DCN: variants seen among roughly 807,000 people sequenced by gnomAD.
DCN encodes decorin.
A neutral mutation model predicts 36.5 loss-of-function variants in DCN; 17 were observed. The observed-to-expected ratio is 0.47, with a 90% CI of 0.32 to 0.70. The LOEUF (loss-of-function observed/expected upper bound fraction) is 0.70, where lower values mean the gene tolerates loss of function less well. Ranked by LOEUF, DCN falls within the 30% of genes least tolerant of loss-of-function variation. The probability of loss-of-function intolerance (pLI) is 0.04; values close to 1 mark genes in which losing one functional copy is unlikely to be tolerated. For missense variants in DCN, 389 were observed against 430.1 expected (o/e 0.90, Z 0.84); for synonymous variants, 163 against 161.4 (o/e 1.01, Z -0.07).
chr12:91,156,981 T>C, intron 5 of DCN, 94 bp downstream of exon 5: 2 of 851,188 alleles, frequency 2.3e-6, no homozygotes, highest in Non-Finnish European at 3.9e-6. Flanking sequence ...GTTGGCCTCT[T>C]AGGTGACAAT....
chr12:91,151,504 T>A, intron 7 of DCN, 150 bp downstream of exon 7: 2 of 819,412 alleles, frequency 2.4e-6, no homozygotes. Context: ...TGATTTAATT[T>A]TTTTTATGGT....
chr12:91,160,926 C>G (rs1882117462), intron 3 of DCN, among the ~76,000 whole-genome samples: 1 of 152,272 alleles, frequency 6.6e-6, no homozygotes, highest in East Asian at 1.9e-4. Flanking sequence ...ACACACCACT[C>G]ATAATGAAGC....
At chr12:91,181,133 C>G (rs546530194) in intron 1 of DCN, among the ~76,000 whole-genome samples, 1 of 147,010 alleles carries the variant, frequency 6.8e-6, no homozygotes, top group Non-Finnish European at 1.5e-5. Flanking sequence ...TTCATTTGCT[C>G]GTGTGTGTGT....
intron 5 of DCN, among the ~76,000 whole-genome samples, chr12:91,155,897 T>C (rs1408185565): frequency 6.6e-6 from 1 of 152,082 alleles, no homozygotes; most frequent in East Asian, 1.9e-4. Flanking sequence ...AAGCATCCTA[T>C]GGAATATGTA....
chr12:91,170,283 A>G (rs3138199), intron 2 of DCN, among the ~76,000 whole-genome samples: 2,385 of 152,172 alleles, frequency 0.016, 33 homozygotes, highest in Middle Eastern at 0.027. Context: ...CTTCTGAATA[A>G]TCTTTCTGAT....
chr12:91,151,748 G>C lies in DCN; in HGVS notation c.791C>G (p.Ser264Cys). The C allele has an allele frequency of 6.2e-7, 1 of 1,614,050 alleles. No homozygotes were observed. Among genetic ancestry groups the C allele is most frequent in the South Asian group, 1.1e-5 (1 of 91,080 alleles). The change falls in exon 7 of 8, where the codon TCT becomes TGT. Residue 264 changes from serine (S) to cysteine (C), a missense_variant. Ser to Cys is a moderately radical substitution (Grantham distance 112). Transcript: ENST00000052754. Reference protein sequence around the residue: ...FNSISAVDNGSLANTPHLREL... With the variant: ...FNSISAVDNGCLANTPHLREL... ...CCTCAGATGAGGCGTGTTGGCCAGA[G>C]AGCCATTGTCAACAGCAGAGATGCT...
intron 1 of DCN, chr12:91,179,877 A>G (rs568235117): frequency 6.6e-6 from 1 of 152,302 alleles, no homozygotes; most frequent in African/African-American, 2.4e-5. Context: ...TATGTGATGT[A>G]TATATGATCT....
At chr12:91,177,940 C>A (rs1883395291) in intron 2 of DCN, among the ~76,000 whole-genome samples, 1 of 152,158 alleles carries the variant, frequency 6.6e-6, no homozygotes, top group African/African-American at 2.4e-5. Context: ...AGTAGAGAGA[C>A]TGACCTGATT....
At chr12:91,172,521 C>T (rs994564299) in intron 2 of DCN, 2 of 294,842 alleles carry the variant, frequency 6.8e-6, no homozygotes, top group Non-Finnish European at 6.4e-6. Flanking sequence ...TCAGTTAGAC[C>T]AGGCTTCATA....
chr12:91,169,014 AAAAC>A (rs1266270260), intron 2 of DCN, among the ~76,000 whole-genome samples: 1 of 130,266 alleles, frequency 7.7e-6, no homozygotes, highest in Non-Finnish European at 1.8e-5. Flanking sequence ...TGTATTTTCA[AAAAC>A]AAACAATTAA....
intron 5 of DCN, among the ~76,000 whole-genome samples, chr12:91,153,973 A>G (rs560728274): frequency 6.6e-6 from 1 of 152,258 alleles, no homozygotes; most frequent in Admixed American, 6.5e-5. Context: ...AGGCTGTATT[A>G]TATTTTATAC....
chr12:91,159,864 C>A (rs1020574841), intron 3 of DCN, among the ~76,000 whole-genome samples: 3 of 151,946 alleles, frequency 2.0e-5, no homozygotes, highest in African/African-American at 4.8e-5. Flanking sequence ...TCTAATTTTG[C>A]ATTTTCAATT....
intron 7 of DCN, among the ~76,000 whole-genome samples, chr12:91,148,637 A>G (rs1443056660): frequency 7.0e-6 from 1 of 143,624 alleles, no homozygotes; most frequent in Non-Finnish European, 1.5e-5. Flanking sequence ...AATTTCTTGA[A>G]CCCGAGAGGC....
chr12:91,175,496 T>C (rs750012239), intron 2 of DCN: 15 of 152,166 alleles, frequency 9.9e-5, no homozygotes, highest in Non-Finnish European at 1.5e-4. Flanking sequence ...GAAAGAATTG[T>C]TTAAAATTTT....
At chr12:91,168,613 T>C (rs1292450678) in intron 2 of DCN, among the ~76,000 whole-genome samples, 1 of 152,248 alleles carries the variant, frequency 6.6e-6, no homozygotes, top group Non-Finnish European at 1.5e-5. Flanking sequence ...GAGTATGGCT[T>C]TGAGATCATT....
chr12:91,178,652 T>C lies in DCN; in HGVS notation c.-33-67A>G, dbSNP rs1016247871. Reference sequence around the variant, plus strand: ...AATCTGTGTGTCGTTTCTTATATAATATGCCACAATACAGTGAGCACAGAG... The same window carrying C: ...AATCTGTGTGTCGTTTCTTATATAACATGCCACAATACAGTGAGCACAGAG... On this transcript the variant is annotated intron_variant, in intron 1 of 7. Transcript: ENST00000052754. 4 of 913,322 alleles carry C rather than the reference T, an allele frequency of 4.4e-6. No individual in the cohort carries two copies. The African/African-American group carries it at 6.5e-5, about 15-fold the overall frequency. 56.6% of individuals were successfully genotyped at this position (913,322 alleles called of 1,614,324 possible).
intron 7 of DCN, among the ~76,000 whole-genome samples, chr12:91,147,862 G>GT (rs1015710230): frequency 1.3e-4 from 20 of 151,688 alleles, no homozygotes; most frequent in African/African-American, 4.4e-4. Flanking sequence ...ATTAATCAGA[G>GT]TTTTTTTTCT....
At chr12:91,163,094 A>G (rs1482430661) in intron 3 of DCN, among the ~76,000 whole-genome samples, 1 of 152,196 alleles carries the variant, frequency 6.6e-6, no homozygotes, top group African/African-American at 2.4e-5. Flanking sequence ...CCTTATTTAT[A>G]TTTAATGTGC....
intron 2 of DCN, chr12:91,175,023 C>T (rs1447203985): frequency 1.3e-5 from 2 of 151,948 alleles, no homozygotes; most frequent in African/African-American, 4.8e-5. Context: ...ATAGAAAATC[C>T]CATCAAAATC....
Sources: allele counts gnomAD v4.1 joint callset (sites outside exome capture counted in the v4.1 genomes callset), GRCh38; gene constraint gnomAD v4.1.1; transcripts MANE v1.5; gene names NCBI Gene and HGNC (gene_info 2026-07-23, HGNC 2026-07-21).